Variants in FAM167A observed in about 807,000 individuals in gnomAD.
The protein encoded by FAM167A is protein FAM167A.
In FAM167A, 23 loss-of-function variants were observed where a neutral mutation model predicts 14.9. The observed-to-expected ratio is 1.55, with a 90% CI of 1.11 to 2.19. FAM167A has a LOEUF of 2.19. Ranked by LOEUF, FAM167A falls within the 30% of genes most tolerant of loss-of-function variation. FAM167A has a pLI of 0.00. For missense variants in FAM167A, 401 were observed against 281.5 expected (o/e 1.42, Z -3.04); for synonymous variants, 174 against 117.7 (o/e 1.48, Z -3.10).
chr8:11,463,815 G>A (rs751619724), intron 1 of FAM167A, among the ~76,000 whole-genome samples: 2 of 152,236 alleles, frequency 1.3e-5, no homozygotes, highest in Non-Finnish European at 2.9e-5. Context: ...GGCCGCTGGG[G>A]AGGAGGATCA....
intron 2 of FAM167A, among the ~76,000 whole-genome samples, chr8:11,437,799 A>G (rs1389952236): frequency 6.6e-6 from 1 of 152,174 alleles, no homozygotes; most frequent in African/African-American, 2.4e-5. Context: ...ATTATTATAG[A>G]AGAAACGTGA....
At chr8:11,446,193 A>G (rs1436962182) in intron 1 of FAM167A, among the ~76,000 whole-genome samples, 1 of 152,208 alleles carries the variant, frequency 6.6e-6, no homozygotes, top group Non-Finnish European at 1.5e-5. Context: ...CCTCTCCGAC[A>G]TGGCACGCAG....
At chr8:11,454,243 G>T (rs1279181853) in intron 1 of FAM167A, among the ~76,000 whole-genome samples, 1 of 152,218 alleles carries the variant, frequency 6.6e-6, no homozygotes, top group Non-Finnish European at 1.5e-5. Context: ...AGGCCCACGT[G>T]TGTGTGCAAA....
chr8:11,457,358 T>C lies in FAM167A; in HGVS notation c.-398+9268A>G, dbSNP rs377496866. 3.6e-4 allele frequency among the ~76,000 whole-genome samples: 54 copies of C among 152,018 alleles called. 1 individual carries two copies. The highest frequency in any genetic ancestry group is 9.7e-4 in the East Asian group (5 of 5,148). ...ACTCGGCAGTCTCTTCTGAAGGACA[T>C]TGATGCTGTGCCACAATGTCATATG... On this transcript the variant is annotated intron_variant, in intron 1 of 2. Transcript: ENST00000284486.
chr8:11,454,460 C>T (rs1015732132), intron 1 of FAM167A, among the ~76,000 whole-genome samples: 10 of 152,224 alleles, frequency 6.6e-5, no homozygotes, highest in African/African-American at 2.4e-4. Flanking sequence ...CAGTAGAGGG[C>T]ACAGCCCTGA....
At chr8:11,461,390 C>T (rs1425717657) in intron 1 of FAM167A, among the ~76,000 whole-genome samples, 3 of 152,276 alleles carry the variant, frequency 2.0e-5, no homozygotes, top group African/African-American at 4.8e-5. Context: ...AGGCAGCCTG[C>T]TGCCGCCCCG....
At chr8:11,457,187 T>C (rs1398608596) in intron 1 of FAM167A, among the ~76,000 whole-genome samples, 3 of 151,542 alleles carry the variant, frequency 2.0e-5, no homozygotes, top group African/African-American at 7.3e-5. Context: ...TCCTGGGGTT[T>C]TCTCCAAGCA....
chr8:11,440,931 T>A (rs927854297), intron 2 of FAM167A, among the ~76,000 whole-genome samples: 14 of 152,364 alleles, frequency 9.2e-5, no homozygotes, highest in African/African-American at 3.1e-4. Flanking sequence ...AGTTTAACGT[T>A]TTGACTGAGA....
rs572766205 is a variant in FAM167A, at chr8:11,442,771, A to T, written c.381+1260T>A. ...ACCCGCAGGTGCCTCATCTTCTCCGAAGCCGACAGCACATGCACCCTCTCG... is the reference window on the plus strand; with the variant it reads ...ACCCGCAGGTGCCTCATCTTCTCCGTAGCCGACAGCACATGCACCCTCTCG... On this transcript the variant is annotated intron_variant, in intron 2 of 2. Transcript: ENST00000284486. Among the ~76,000 whole-genome samples, 3 of 151,994 alleles carry T rather than the reference A, an allele frequency of 2.0e-5. No homozygotes were observed. In the South Asian group the frequency reaches 6.3e-4, roughly 32 times the overall value.
chr8:11,471,281 G>A (rs934972212), upstream of FAM167A, among the ~76,000 whole-genome samples: 8 of 152,196 alleles, frequency 5.3e-5, no homozygotes, highest in African/African-American at 1.9e-4. Context: ...AGGAGTGGCG[G>A]GCACAAGGGC....
intron 2 of FAM167A, among the ~76,000 whole-genome samples, chr8:11,441,595 C>T (rs978498711): frequency 4.6e-5 from 7 of 152,184 alleles, no homozygotes; most frequent in East Asian, 1.9e-4. Context: ...GGCCACCTCA[C>T]GAGCCTCACC....
At chr8:11,456,188 ATGTGGGG>A (rs1807282081) in intron 1 of FAM167A, among the ~76,000 whole-genome samples, 8 of 3,638 alleles carry the variant, frequency 2.2e-3, no homozygotes, top group Admixed American at 7.3e-3. Flanking sequence ...GTGTGTGTGA[ATGTGGGG>A]GGTGGTTGCC....
At chr8:11,447,177 T>TCTTTC (rs1806819169) in intron 1 of FAM167A, among the ~76,000 whole-genome samples, 1 of 112,470 alleles carries the variant, frequency 8.9e-6, no homozygotes, top group Non-Finnish European at 1.8e-5. Context: ...ATTATTGGTT[T>TCTTTC]CTTTTCTTTT....
chr8:11,435,057 A>G, intron 2 of FAM167A: 1 of 456,844 alleles, frequency 2.2e-6, no homozygotes, highest in Non-Finnish European at 4.4e-6. Flanking sequence ...GTCTCCACTC[A>G]AGAGGCTGAT....
chr8:11,424,110 C>A lies in FAM167A; in HGVS notation c.*263G>T, dbSNP rs556837921. On this transcript the variant is annotated 3_prime_UTR_variant, in exon 3 of 3. Transcript: ENST00000284486. ...GATGGATTATGGTGGGAACCCAGGT[C>A]TCCTTTAACATCTTGGTTGGAGCGG... is the stretch of plus-strand genomic sequence containing the variant. The A allele has an allele frequency of 2.8e-4, 124 of 448,880 alleles. 2 individuals carry two copies. The highest frequency in any genetic ancestry group is 6.2e-4 in the South Asian group (18 of 29,234). 27.8% of individuals were successfully genotyped at this position (448,880 alleles called of 1,614,324 possible). A position where few individuals can be genotyped will look rare whatever the true frequency, so the allele number is the denominator to read the frequency against.
intron 2 of FAM167A, among the ~76,000 whole-genome samples, chr8:11,425,092 G>C (rs1252927675): frequency 6.6e-6 from 1 of 152,202 alleles, no homozygotes; most frequent in Non-Finnish European, 1.5e-5. Flanking sequence ...ACGCTGGGGA[G>C]TGTCATGTTG....
At chr8:11,465,808 G>C (rs939266321) in intron 1 of FAM167A, among the ~76,000 whole-genome samples, 4 of 152,306 alleles carry the variant, frequency 2.6e-5, no homozygotes, top group Middle Eastern at 3.4e-3. Flanking sequence ...GCAATGACGG[G>C]GAGTTTGTGG....
At chr8:11,470,804 C>G (rs1807934590), upstream of FAM167A, among the ~76,000 whole-genome samples, 1 of 152,074 alleles carries the variant, frequency 6.6e-6, no homozygotes, top group South Asian at 2.1e-4. Context: ...CTGCTGTTTT[C>G]CTGTGAAGGG....
chr8:11,441,775 G>A (rs955829606), intron 2 of FAM167A, among the ~76,000 whole-genome samples: 1 of 152,222 alleles, frequency 6.6e-6, no homozygotes, highest in Non-Finnish European at 1.5e-5. Context: ...GTAAGAATCA[G>A]AGATCACGGA....
Sources: allele counts gnomAD v4.1 joint callset (sites outside exome capture counted in the v4.1 genomes callset), GRCh38; gene constraint gnomAD v4.1.1; transcripts MANE v1.5; gene names NCBI Gene and HGNC (gene_info 2026-07-23, HGNC 2026-07-21).